Variants in HHAT observed in about 807,000 individuals in gnomAD.
HHAT encodes hedgehog acyltransferase.
A neutral mutation model predicts 70.8 loss-of-function variants in HHAT; 47 were observed. The ratio of observed to expected loss-of-function variants is 0.66; its 90% CI spans 0.53 to 0.85. The LOEUF (loss-of-function observed/expected upper bound fraction) is 0.85, where lower values mean the gene tolerates loss of function less well. Among genes scored for constraint, HHAT ranks in the 40% least tolerant of loss-of-function variants. HHAT has a pLI of 0.00. For missense variants in HHAT, 609 were observed against 604.8 expected (o/e 1.01, Z -0.07); for synonymous variants, 228 against 247.6 (o/e 0.92, Z 0.74).
chr1:210,386,231 T>TTTCTTTC (rs1491273387), intron 3 of HHAT, among the ~76,000 whole-genome samples: 2 of 29,866 alleles, frequency 6.7e-5, no homozygotes, highest in South Asian at 1.4e-3. Context: ...TCTTTTTTTC[T>TTTCTTTC]TTTTTTTTTT....
intron 11 of HHAT, among the ~76,000 whole-genome samples, chr1:210,663,157 A>G (rs1381517321): frequency 2.0e-5 from 3 of 152,144 alleles, no homozygotes; most frequent in East Asian, 3.9e-4. Context: ...AAGACAAAGG[A>G]TATAAGCGTG....
chr1:210,366,204 GC>G (rs1261726059), intron 3 of HHAT, among the ~76,000 whole-genome samples: 1 of 152,114 alleles, frequency 6.6e-6, no homozygotes, highest in East Asian at 1.9e-4. Context: ...GAGCTATGCT[GC>G]CTGGCCACTA....
intron 7 of HHAT, among the ~76,000 whole-genome samples, chr1:210,438,129 TTC>T (rs1354098790): frequency 6.6e-6 from 1 of 151,550 alleles, no homozygotes; most frequent in Non-Finnish European, 1.5e-5. Flanking sequence ...GGAGGAGGAG[TTC>T]TCTTTTCCTG....
chr1:210,670,031 G>C (rs142308872), intron 11 of HHAT, among the ~76,000 whole-genome samples: 1 of 152,130 alleles, frequency 6.6e-6, no homozygotes, highest in Non-Finnish European at 1.5e-5. Context: ...TGGACTGCAG[G>C]GGGAGGAAGT....
In HHAT at chr1:210,662,064, G is replaced by A. The variant is rs187260574; in HGVS notation, c.1391-12224G>A. Among the ~76,000 whole-genome samples the A allele has an allele frequency of 5.9e-5, 9 of 152,298 alleles. No individual in the cohort carries two copies. The East Asian group carries it at 1.5e-3, about 26-fold the overall frequency. Reference sequence around the variant, plus strand: ...TCTTATTCAATTTTAACTTATTAGTGTTAGTTCATCCTCACAGCCTACCTA... The same window carrying A: ...TCTTATTCAATTTTAACTTATTAGTATTAGTTCATCCTCACAGCCTACCTA... On this transcript the variant is annotated intron_variant, in intron 11 of 11. Coordinates refer to ENST00000261458, the MANE Select transcript of HHAT (RefSeq NM_018194.6).
At chr1:210,483,315 G>A (rs2094426436) in intron 8 of HHAT, among the ~76,000 whole-genome samples, 1 of 152,180 alleles carries the variant, frequency 6.6e-6, no homozygotes, top group Admixed American at 6.5e-5. Flanking sequence ...ACCATAAAGT[G>A]CGTAATTTCA....
In HHAT at chr1:210,329,017, C is replaced by A; in HGVS notation, c.-131C>A. The A allele has an allele frequency of 7.2e-7, 1 of 1,398,432 alleles. No individual in the cohort carries two copies. The highest frequency in any genetic ancestry group is 1.6e-5 in the South Asian group (1 of 63,834). 86.6% of individuals were successfully genotyped at this position (1,398,432 alleles called of 1,614,324 possible). The stretch of plus-strand genomic sequence containing the variant: ...AAGCCCGCAGCCGCCGCCGATGTCG[C>A]TGGGACTCGGAAGTGCCGAAAGAGG... On this transcript the variant is annotated 5_prime_UTR_variant, in exon 1 of 12. The change creates a new upstream start codon in the 5' untranslated region. Transcript: ENST00000261458.
chr1:210,418,400 G>T, intron 7 of HHAT, 75 bp downstream of exon 7: 3 of 1,269,486 alleles, frequency 2.4e-6, no homozygotes, highest in South Asian at 3.0e-5. Flanking sequence ...AGCTGGAGTG[G>T]GGGGTGAGCA....
At chr1:210,596,436 T>A (rs1663029482) in intron 10 of HHAT, among the ~76,000 whole-genome samples, 2 of 152,162 alleles carry the variant, frequency 1.3e-5, no homozygotes, top group Non-Finnish European at 2.9e-5. Context: ...TTTCTTTACC[T>A]CCCTTTTAAG....
chr1:210,430,552 G>A (rs2093212818), intron 7 of HHAT, among the ~76,000 whole-genome samples: 1 of 151,856 alleles, frequency 6.6e-6, no homozygotes, highest in African/African-American at 2.4e-5. Context: ...CTACATTAAT[G>A]AAGATCATAG....
At chr1:210,393,446 T>C (rs2091581473) in intron 4 of HHAT, among the ~76,000 whole-genome samples, 3 of 151,708 alleles carry the variant, frequency 2.0e-5, no homozygotes, top group Admixed American at 2.0e-4. Flanking sequence ...CACAGTTGAG[T>C]GGGAAGTTAG....
intron 4 of HHAT, among the ~76,000 whole-genome samples, chr1:210,396,031 G>A (rs559125211): frequency 6.6e-6 from 1 of 152,292 alleles, no homozygotes; most frequent in African/African-American, 2.4e-5. Flanking sequence ...GTGGTTCAGT[G>A]TAGACTCAGG....
intron 9 of HHAT, among the ~76,000 whole-genome samples, chr1:210,524,087 G>C (rs529110974): frequency 3.3e-4 from 50 of 152,318 alleles, no homozygotes; most frequent in African/African-American, 1.2e-3. Context: ...TGGTTGCCAG[G>C]GGGTGGGGGA....
chr1:210,537,141 G>C (rs1016947409), intron 9 of HHAT, among the ~76,000 whole-genome samples: 27 of 152,052 alleles, frequency 1.8e-4, no homozygotes, highest in African/African-American at 6.3e-4. Context: ...ACTGAGAAAA[G>C]ATGAACAAAA....
chr1:210,646,522 G>A (rs1252074876), intron 11 of HHAT, among the ~76,000 whole-genome samples: 3 of 152,130 alleles, frequency 2.0e-5, no homozygotes, highest in Non-Finnish European at 2.9e-5. Flanking sequence ...AGAAGACACT[G>A]AATCCTATTT....
chr1:210,576,854 A>G (rs1414282325), intron 9 of HHAT, among the ~76,000 whole-genome samples: 1 of 152,024 alleles, frequency 6.6e-6, no homozygotes, highest in East Asian at 1.9e-4. Context: ...TTCTTTCATC[A>G]ATGTTTTATG....
At chr1:210,581,457 C>T (rs1387355945) in intron 9 of HHAT, among the ~76,000 whole-genome samples, 1 of 152,188 alleles carries the variant, frequency 6.6e-6, no homozygotes, top group Non-Finnish European at 1.5e-5. Flanking sequence ...AGAAGAGAAA[C>T]CTGAGCAGGG....
In HHAT at chr1:210,465,888, C is replaced by G. The variant is rs147817436; in HGVS notation, c.1007+1233C>G. ...GCAAGGAATGAATTGCAAGGAATTG[C>G]AAGGAATGAATTGCAAGGAATTGCA... On this transcript the variant is annotated intron_variant, in intron 8 of 11. Coordinates refer to ENST00000261458, the MANE Select transcript of HHAT (RefSeq NM_018194.6). 6.5e-3 allele frequency among the ~76,000 whole-genome samples: 976 copies of G among 151,016 alleles called. 143 individuals are homozygous for G. The highest frequency in any genetic ancestry group is 0.022 in the African/African-American group (914 of 40,878).
At chr1:210,361,759 C>G (rs1259199113) in intron 2 of HHAT, among the ~76,000 whole-genome samples, 1 of 152,006 alleles carries the variant, frequency 6.6e-6, no homozygotes, top group Non-Finnish European at 1.5e-5. Flanking sequence ...GGGGGAATCT[C>G]AGCCATTCTG....
Sources: allele counts gnomAD v4.1 joint callset (sites outside exome capture counted in the v4.1 genomes callset), GRCh38; gene constraint gnomAD v4.1.1; transcripts MANE v1.5; gene names NCBI Gene and HGNC (gene_info 2026-07-23, HGNC 2026-07-21).